The following SUPT3H variants were observed in gnomAD, a reference collection of about 807,000 sequenced individuals.
SUPT3H encodes transcription initiation protein SPT3 homolog.
In SUPT3H, 44 loss-of-function variants were observed where a neutral mutation model predicts 44.3. The ratio of observed to expected loss-of-function variants is 0.99; its 90% CI spans 0.78 to 1.28. The LOEUF (loss-of-function observed/expected upper bound fraction) is 1.28. SUPT3H is among the 50% of genes most tolerant of loss of function. The pLI, the probability that SUPT3H is intolerant of heterozygous loss-of-function variation, is 0.00. For missense variants in SUPT3H, 380 were observed against 387.1 expected (o/e 0.98, Z 0.15); for synonymous variants, 124 against 125.6 (o/e 0.99, Z 0.09).
At chr6:44,815,703 G>A (rs1020818139) in intron 11 of SUPT3H, among the ~76,000 whole-genome samples, 10 of 151,986 alleles carry the variant, frequency 6.6e-5, no homozygotes, top group Non-Finnish European at 1.3e-4. Context: ...AAACTCAAAG[G>A]AGAAACAGAT....
intron 10 of SUPT3H, among the ~76,000 whole-genome samples, chr6:44,887,967 A>C (rs1397203523): frequency 6.6e-6 from 1 of 152,176 alleles, no homozygotes; most frequent in Non-Finnish European, 1.5e-5. Flanking sequence ...AATACAAACT[A>C]CCATCAGAGA....
intron 3 of SUPT3H, among the ~76,000 whole-genome samples, chr6:45,073,017 T>G (rs1794586547): frequency 6.6e-6 from 1 of 152,184 alleles, no homozygotes; most frequent in African/African-American, 2.4e-5. Flanking sequence ...TGTTTTCTGA[T>G]GTTTATTTGC....
At chr6:44,849,222 T>A (rs28605232) in intron 10 of SUPT3H, among the ~76,000 whole-genome samples, 90 of 4,350 alleles carry the variant, frequency 0.021, 1 homozygote, top group South Asian at 0.12. Context: ...AATGAATACT[T>A]TTTTTTTTTT....
intron 2 of SUPT3H, among the ~76,000 whole-genome samples, chr6:45,360,304 G>C (rs1017804768): frequency 6.6e-6 from 1 of 152,270 alleles, no homozygotes; most frequent in African/African-American, 2.4e-5. Context: ...ATGGCATATG[G>C]AAGTACTCAA....
intron 1 of SUPT3H, chr6:45,377,186 T>C (rs552564684): frequency 5.3e-5 from 8 of 152,262 alleles, no homozygotes; most frequent in African/African-American, 1.9e-4. Flanking sequence ...TCTAAGCGTT[T>C]AACGTGTATT....
chr6:45,321,355 A>G (rs1340468626), intron 2 of SUPT3H, among the ~76,000 whole-genome samples: 1 of 152,174 alleles, frequency 6.6e-6, no homozygotes, highest in East Asian at 1.9e-4. Context: ...TACCTTTCAG[A>G]ATTCACTGTT....
chr6:45,179,196 G>A (rs979556564), intron 2 of SUPT3H, among the ~76,000 whole-genome samples: 1 of 152,146 alleles, frequency 6.6e-6, no homozygotes, highest in African/African-American at 2.4e-5. Context: ...TTGAATCTCT[G>A]AACAGACCAA....
rs1554294700 is a variant in SUPT3H, at chr6:45,230,684, A to ATATATATATATG, written c.102-124679_102-124678insCATATATATATA. Among the ~76,000 whole-genome samples, 98 of 101,082 alleles carry ATATATATATATG rather than the reference A, an allele frequency of 9.7e-4. 3 individuals are homozygous for ATATATATATATG. The highest frequency in any genetic ancestry group is 3.8e-3 in the African/African-American group (96 of 25,098). 66.3% of individuals were successfully genotyped at this position (101,082 alleles called of 152,430 possible). A position where few individuals can be genotyped will look rare whatever the true frequency, so the allele number is the denominator to read the frequency against. On this transcript the variant is annotated intron_variant, in intron 2 of 10. Coordinates refer to ENST00000371459, the MANE Select transcript of SUPT3H (RefSeq NM_003599.4). ...AGTCTATATATATATATATATATAT[A>ATATATATATATG]TATTTTTGAGATGGAGTCTTGCTCT... is the stretch of plus-strand genomic sequence containing the variant.
chr6:44,854,053 A>G (rs1773350451), intron 10 of SUPT3H, among the ~76,000 whole-genome samples: 1 of 152,024 alleles, frequency 6.6e-6, no homozygotes, highest in South Asian at 2.1e-4. Flanking sequence ...GAGCTCTTGG[A>G]GTCTGCACTG....
At chr6:44,874,884 G>A (rs1443814377) in intron 10 of SUPT3H, among the ~76,000 whole-genome samples, 1 of 147,334 alleles carries the variant, frequency 6.8e-6, no homozygotes, top group Non-Finnish European at 1.5e-5. Flanking sequence ...CAAATCACGA[G>A]TGAACTCCCA....
At chr6:44,996,485 C>A (rs2153501910) in intron 6 of SUPT3H, among the ~76,000 whole-genome samples, 1 of 151,884 alleles carries the variant, frequency 6.6e-6, no homozygotes. Context: ...AAAGTCACTT[C>A]CTTTGTGATT....
intron 2 of SUPT3H, among the ~76,000 whole-genome samples, chr6:45,186,473 T>C (rs1448047347): frequency 1.3e-5 from 2 of 152,110 alleles, no homozygotes; most frequent in African/African-American, 4.8e-5. Flanking sequence ...ATAGAAATTA[T>C]AGAACTGAAA....
intron 2 of SUPT3H, chr6:45,328,744 C>CT: frequency 6.2e-7 from 1 of 1,612,176 alleles, no homozygotes. Context: ...CAAACAGCCT[C>CT]TTCAGCACAG....
intron 3 of SUPT3H, among the ~76,000 whole-genome samples, chr6:45,063,131 C>T (rs1227026570): frequency 6.9e-6 from 1 of 145,736 alleles, no homozygotes; most frequent in Non-Finnish European, 1.5e-5. Context: ...GGCAGACTGC[C>T]TCCTCAAGTG....
chr6:44,985,507 A>T (rs1384365462), intron 6 of SUPT3H, among the ~76,000 whole-genome samples: 1 of 152,124 alleles, frequency 6.6e-6, no homozygotes, highest in African/African-American at 2.4e-5. Context: ...CCATAGAAAC[A>T]CTGTCCTAAA....
In SUPT3H at chr6:44,904,961, G is replaced by A. The variant is rs543856163; in HGVS notation, c.912+27692C>T. 4.5e-3 allele frequency among the ~76,000 whole-genome samples: 687 copies of A among 152,178 alleles called. 9 individuals carry two copies. The highest frequency in any genetic ancestry group is 0.019 in the South Asian group (90 of 4,814). On this transcript the variant is annotated intron_variant, in intron 10 of 10. Transcript: ENST00000371459. ...ATTAATGGTGCTGGGAACACTGGCT[G>A]GCCATATGTAGAAAGCTGAAACTGG... is the stretch of plus-strand genomic sequence containing the variant.
chr6:45,045,595 A>G (rs1789262100), intron 3 of SUPT3H, among the ~76,000 whole-genome samples: 1 of 152,216 alleles, frequency 6.6e-6, no homozygotes. Flanking sequence ...ATCTGCAAAC[A>G]GAGACAATAT....
At chr6:44,949,701 A>G (rs1021884881) in intron 9 of SUPT3H, among the ~76,000 whole-genome samples, 1 of 152,188 alleles carries the variant, frequency 6.6e-6, no homozygotes, top group African/African-American at 2.4e-5. Context: ...AAAGTGCTCA[A>G]CCTTATCAGT....
At chr6:45,013,984 T>G (rs556510446) in intron 5 of SUPT3H, among the ~76,000 whole-genome samples, 4 of 152,040 alleles carry the variant, frequency 2.6e-5, no homozygotes, top group Non-Finnish European at 4.4e-5. Context: ...CTGTACGTGC[T>G]TAGGACAATT....
Sources: allele counts gnomAD v4.1 joint callset (sites outside exome capture counted in the v4.1 genomes callset), GRCh38; gene constraint gnomAD v4.1.1; transcripts MANE v1.5; gene names NCBI Gene and HGNC (gene_info 2026-07-23, HGNC 2026-07-21).